RGS20: variants seen among roughly 807,000 people sequenced by gnomAD.
RGS20 encodes regulator of G protein signaling 20.
Under a neutral mutation model 33.6 loss-of-function variants are expected in RGS20, and 30 were observed. The observed-to-expected ratio is 0.89, with a 90% confidence interval of 0.67 to 1.21. The LOEUF (loss-of-function observed/expected upper bound fraction) is 1.21. Among genes scored for constraint, RGS20 ranks in the 50% most tolerant of loss-of-function variants. The pLI is 0.00. For synonymous variants in RGS20, 208 were observed against 197.9 expected (o/e 1.05, Z -0.43); for missense variants, 472 against 502.4 (o/e 0.94, Z 0.58).
At chr8:53,866,896 G>C (rs1811933171) in intron 1 of RGS20, among the ~76,000 whole-genome samples, 1 of 152,170 alleles carries the variant, frequency 6.6e-6, no homozygotes, top group Non-Finnish European at 1.5e-5. Context: ...TCCTCTGTAA[G>C]GTGGAAGGTT....
intron 3 of RGS20, among the ~76,000 whole-genome samples, chr8:53,943,571 A>G (rs1268395891): frequency 6.6e-6 from 1 of 152,228 alleles, no homozygotes; most frequent in Non-Finnish European, 1.5e-5. Flanking sequence ...CTGCTGTAAC[A>G]ATAACAGTGG....
At chr8:53,937,327 T>G (rs1814164561) in intron 2 of RGS20, among the ~76,000 whole-genome samples, 1 of 150,654 alleles carries the variant, frequency 6.6e-6, no homozygotes, top group African/African-American at 2.4e-5. Context: ...AAAAATAAAA[T>G]AAAAAAAGAA....
intron 2 of RGS20, among the ~76,000 whole-genome samples, chr8:53,899,175 A>G (rs1419666585): frequency 6.6e-6 from 1 of 152,208 alleles, no homozygotes; most frequent in East Asian, 1.9e-4. Context: ...GTTTGTCACC[A>G]GCATGCTACA....
At chr8:53,935,113 G>A (rs749435459) in intron 2 of RGS20, among the ~76,000 whole-genome samples, 9 of 152,256 alleles carry the variant, frequency 5.9e-5, no homozygotes, top group South Asian at 4.1e-4. Context: ...CTAAAGCAGC[G>A]TTTAGAGGGA....
At chr8:53,921,477 C>A (rs80066347) in intron 2 of RGS20, among the ~76,000 whole-genome samples, 7,250 of 149,748 alleles carry the variant, frequency 0.048, 468 homozygotes, top group African/African-American at 0.15. Flanking sequence ...CCAGCCTGAA[C>A]AGATCTGGGC....
rs1482685455 is a variant in RGS20 at position 53,880,770 on chromosome 8, G to A, written c.510+1168G>A. On this transcript the variant is annotated intron_variant, in intron 2 of 5. Transcript: ENST00000297313. ...TCGCGCCCCGCGTGGGGCCTCGGGGGTACCCCTAGCACCCGCGGCGGTGGA... is the reference window on the plus strand; with the variant it reads ...TCGCGCCCCGCGTGGGGCCTCGGGGATACCCCTAGCACCCGCGGCGGTGGA... 7 of 1,104,392 alleles carry A rather than the reference G, an allele frequency of 6.3e-6. No homozygotes were observed. The East Asian group carries it at 1.7e-4, about 27-fold the overall frequency. The allele number at this position is 1,104,392 out of a possible 1,614,324, so 68.4% of individuals were successfully genotyped here.
In RGS20 at chr8:53,947,609, C is replaced by T. The variant is rs189958209; in HGVS notation, c.743+861C>T. ...TATATGCTATATATAGGATATAGTA[C>T]ATACATTTATATATGCTATATATAG... On this transcript the variant is annotated intron_variant, in intron 4 of 5. Transcript: ENST00000297313. 8.7e-3 allele frequency among the ~76,000 whole-genome samples: 736 copies of T among 84,624 alleles called. 6 individuals carry two copies. In the East Asian group the frequency reaches 0.13, roughly 15 times the overall value. 55.5% of individuals were successfully genotyped at this position (84,624 alleles called of 152,430 possible).
intron 1 of RGS20, chr8:53,879,204 G>T (rs775874549): frequency 3.4e-6 from 5 of 1,459,518 alleles, no homozygotes; most frequent in Admixed American, 3.5e-5. Context: ...CCATCTAAGC[G>T]GCCGGACACC....
At position 53,957,252 on chromosome 8, in the gene RGS20, G is replaced by A. The variant is rs554966908; in HGVS notation, c.979-1018G>A. Among the ~76,000 whole-genome samples the A allele has an allele frequency of 1.5e-4, 23 of 152,264 alleles. 1 individual carries two copies. In the South Asian group the frequency reaches 3.9e-3, roughly 26 times the overall value. ...AGCGATTCTCCTGCCTCGGCCTCCC[G>A]AGTAGCTGGGATTACAGGCACCTGC... On this transcript the variant is annotated intron_variant, in intron 5 of 5. Coordinates refer to ENST00000297313, the MANE Select transcript of RGS20 (RefSeq NM_170587.4).
chr8:53,954,567 G>A (rs911711629), intron 5 of RGS20, among the ~76,000 whole-genome samples: 1 of 151,954 alleles, frequency 6.6e-6, no homozygotes, highest in Non-Finnish European at 1.5e-5. Flanking sequence ...GGGAGGCTGA[G>A]GCAGGAGAAT....
At chr8:53,857,552 T>G (rs946539466) in intron 1 of RGS20, among the ~76,000 whole-genome samples, 6 of 152,134 alleles carry the variant, frequency 3.9e-5, no homozygotes, top group African/African-American at 1.4e-4. Context: ...AAAGTATCAG[T>G]GAGATGAGAG....
intron 2 of RGS20, among the ~76,000 whole-genome samples, chr8:53,881,830 C>T (rs1322592045): frequency 1.3e-5 from 2 of 152,078 alleles, no homozygotes; most frequent in Non-Finnish European, 2.9e-5. Context: ...ATCTTCCGCA[C>T]CCTCGGAGCT....
chr8:53,938,067 A>G (rs952808785), intron 2 of RGS20, among the ~76,000 whole-genome samples: 5 of 152,246 alleles, frequency 3.3e-5, no homozygotes, highest in Middle Eastern at 3.2e-3. Flanking sequence ...TCATTCTACT[A>G]TAAAGACACA....
intron 1 of RGS20, among the ~76,000 whole-genome samples, chr8:53,859,635 T>G (rs1019855244): frequency 2.0e-5 from 3 of 151,962 alleles, no homozygotes; most frequent in African/African-American, 7.3e-5. Context: ...ACTCAGGGAG[T>G]GTATTAGTCC....
chr8:53,897,300 A>G (rs1812893492), intron 2 of RGS20, among the ~76,000 whole-genome samples: 1 of 152,218 alleles, frequency 6.6e-6, no homozygotes, highest in African/African-American at 2.4e-5. Context: ...GCCCTGGCAG[A>G]CTGGACCAGA....
chr8:53,946,516 G>C (rs1413709968), intron 3 of RGS20, 149 bp from the exon 3 acceptor site: 2 of 759,172 alleles, frequency 2.6e-6, no homozygotes, highest in Admixed American at 3.8e-5. Flanking sequence ...GGTTTGCTTG[G>C]GAAAACTAAC....
At chr8:53,901,064 T>C (rs950670242) in intron 2 of RGS20, among the ~76,000 whole-genome samples, 6 of 115,726 alleles carry the variant, frequency 5.2e-5, no homozygotes, top group East Asian at 5.0e-4. Flanking sequence ...ACTTGTCTCT[T>C]TTTTTTTTTT....
rs1237766971 is a variant in RGS20 at position 53,954,950 on chromosome 8, T to C, written c.978+640T>C. 3.3e-5 allele frequency among the ~76,000 whole-genome samples: 5 copies of C among 151,402 alleles called. No homozygotes were observed. The East Asian group carries it at 1.0e-3, about 31-fold the overall frequency. On this transcript the variant is annotated intron_variant, in intron 5 of 5. Coordinates refer to ENST00000297313, the MANE Select transcript of RGS20 (RefSeq NM_170587.4). ...ATCCACCTGCCTTAGCCTCCCAAAG[T>C]GCTGGGATTACAGGCGTGAGCCACC...
intron 3 of RGS20, among the ~76,000 whole-genome samples, chr8:53,944,277 C>T (rs1004614631): frequency 2.0e-5 from 3 of 152,146 alleles, no homozygotes; most frequent in Middle Eastern, 3.2e-3. Flanking sequence ...CGATGGCTCA[C>T]GCCTGTAATC....
Sources: allele counts gnomAD v4.1 joint callset (sites outside exome capture counted in the v4.1 genomes callset), GRCh38; gene constraint gnomAD v4.1.1; transcripts MANE v1.5; gene names NCBI Gene and HGNC (gene_info 2026-07-23, HGNC 2026-07-21).